The following MED13L variants were observed in gnomAD, a reference collection of about 807,000 sequenced individuals.
The protein encoded by MED13L is mediator of RNA polymerase II transcription subunit 13-like.
In MED13L, 7 loss-of-function variants were observed where a neutral mutation model predicts 220.9. The ratio of observed to expected loss-of-function variants is 0.03; its 90% confidence interval spans 0.02 to 0.06. The LOEUF (loss-of-function observed/expected upper bound fraction) is 0.06, where lower values mean the gene tolerates loss of function less well. Among genes scored for constraint, MED13L ranks in the 10% least tolerant of loss-of-function variants. The probability of loss-of-function intolerance (pLI) is 1.00; values close to 1 mark genes in which losing one functional copy is unlikely to be tolerated. For missense variants in MED13L, 1,965 were observed against 2,760.5 expected (o/e 0.71, Z 6.46); for synonymous variants, 1,011 against 1,015.2 (o/e 1.00, Z 0.08).
At chr12:116,028,822 G>A (rs1880553814) in intron 4 of MED13L, among the ~76,000 whole-genome samples, 1 of 152,024 alleles carries the variant, frequency 6.6e-6, no homozygotes, top group Non-Finnish European at 1.5e-5. Flanking sequence ...CAGTGAATCA[G>A]GTCTGATTCA....
intron 1 of MED13L, among the ~76,000 whole-genome samples, chr12:116,244,103 A>G (rs933921874): frequency 6.6e-6 from 1 of 152,204 alleles, no homozygotes; most frequent in African/African-American, 2.4e-5. Context: ...GGTGTATAGA[A>G]AAGGCAGCTG....
chr12:115,999,787 G>A (rs936179640), intron 14 of MED13L, among the ~76,000 whole-genome samples: 4 of 151,990 alleles, frequency 2.6e-5, no homozygotes, highest in Non-Finnish European at 5.9e-5. Context: ...TGATCTTCCT[G>A]AACGCACGCA....
rs1172611120 is a variant in MED13L at position 115,984,346 on chromosome 12, G to A, written c.4365C>T (p.Pro1455=). ...YEMCRLGQHK[P]ICKVLRDGIM... ...TCCCGTCACGTAGCACTTTGCAGAT[G>A]GGCTTGTGCTGCCCAAGCCTACACA... Residue 1455 remains proline (P), a synonymous_variant, in exon 20 of 31, where the codon CCC becomes CCT. Coordinates refer to ENST00000281928, the MANE Select transcript of MED13L (RefSeq NM_015335.5). 6.2e-7 allele frequency: 1 copy of A among 1,613,880 alleles called. No homozygotes were observed. Among genetic ancestry groups the A allele is most frequent in the African/African-American group, 1.3e-5 (1 of 74,872 alleles).
At chr12:116,104,355 A>G (rs1028433563) in intron 3 of MED13L, among the ~76,000 whole-genome samples, 2 of 152,068 alleles carry the variant, frequency 1.3e-5, no homozygotes, top group Admixed American at 6.6e-5. Context: ...CTCTATTACA[A>G]TATCACAACA....
At chr12:116,253,578 G>A (rs1439448146) in intron 1 of MED13L, among the ~76,000 whole-genome samples, 1 of 151,808 alleles carries the variant, frequency 6.6e-6, no homozygotes, top group East Asian at 1.9e-4. Context: ...CTAATAACAC[G>A]TAATAATAAT....
chr12:116,056,725 A>C (rs574499166), intron 4 of MED13L, among the ~76,000 whole-genome samples: 2 of 152,172 alleles, frequency 1.3e-5, no homozygotes, highest in African/African-American at 4.8e-5. Context: ...AATATTCTCC[A>C]AGATTCTTTA....
intron 25 of MED13L, chr12:115,972,591 G>A: frequency 3.0e-6 from 1 of 331,328 alleles, no homozygotes; most frequent in Non-Finnish European, 5.9e-6. Flanking sequence ...CCTTCTCAAG[G>A]TCCGATTCTT....
chr12:116,255,542 C>T (rs1306272932), intron 1 of MED13L, among the ~76,000 whole-genome samples: 1 of 152,086 alleles, frequency 6.6e-6, no homozygotes, highest in Non-Finnish European at 1.5e-5. Flanking sequence ...AAATTTAAAG[C>T]TTTTGTTATT....
At chr12:116,153,432 C>T (rs1878203734) in intron 2 of MED13L, among the ~76,000 whole-genome samples, 1 of 152,184 alleles carries the variant, frequency 6.6e-6, no homozygotes, top group African/African-American at 2.4e-5. Context: ...TCTATCCCAC[C>T]ACCACAAATA....
intron 11 of MED13L, chr12:116,006,933 T>C (rs1879084439): frequency 4.8e-6 from 1 of 206,848 alleles, no homozygotes; most frequent in African/African-American, 2.3e-5. Context: ...TTTATGATGA[T>C]GAAACCAGTA....
At chr12:116,121,564 T>C (rs940525721) in intron 2 of MED13L, among the ~76,000 whole-genome samples, 1 of 152,140 alleles carries the variant, frequency 6.6e-6, no homozygotes, top group Non-Finnish European at 1.5e-5. Flanking sequence ...AGCATAAAGA[T>C]TGTGAAACCT....
intron 5 of MED13L, among the ~76,000 whole-genome samples, chr12:116,020,805 G>C (rs1375205612): frequency 2.0e-5 from 3 of 152,088 alleles, no homozygotes; most frequent in Non-Finnish European, 4.4e-5. Flanking sequence ...ATACGTTTCT[G>C]AAGATAAAGG....
At chr12:116,062,368 T>C (rs542530908) in intron 4 of MED13L, among the ~76,000 whole-genome samples, 1 of 152,020 alleles carries the variant, frequency 6.6e-6, no homozygotes, top group South Asian at 2.1e-4. Context: ...TGGCCAGGCT[T>C]GTCTCGAACA....
At chr12:116,055,948 T>A (rs2137608839) in intron 4 of MED13L, among the ~76,000 whole-genome samples, 1 of 150,754 alleles carries the variant, frequency 6.6e-6, no homozygotes, top group Middle Eastern at 3.5e-3. Context: ...CAAAATGAGC[T>A]TAGTTACTGA....
At chr12:116,208,708 A>G (rs1032018197) in intron 2 of MED13L, among the ~76,000 whole-genome samples, 11 of 152,248 alleles carry the variant, frequency 7.2e-5, no homozygotes, top group African/African-American at 2.7e-4. Context: ...GTTCATGTCT[A>G]TAATCCCAAC....
intron 13 of MED13L, among the ~76,000 whole-genome samples, 153 bp from the exon 14 acceptor site, chr12:116,003,255 G>A (rs979671441): frequency 6.6e-6 from 1 of 152,168 alleles, no homozygotes; most frequent in Non-Finnish European, 1.5e-5. Context: ...GTGAAACAAA[G>A]GAGATGGTTA....
intron 2 of MED13L, among the ~76,000 whole-genome samples, chr12:116,200,681 G>T (rs1306385140): frequency 1.3e-5 from 2 of 152,176 alleles, no homozygotes; most frequent in East Asian, 3.8e-4. Flanking sequence ...AGTACACTAA[G>T]TCTATACTAA....
At chr12:116,219,879 C>A (rs1372432813) in intron 2 of MED13L, among the ~76,000 whole-genome samples, 1 of 152,076 alleles carries the variant, frequency 6.6e-6, no homozygotes, top group Non-Finnish European at 1.5e-5. Context: ...CTCACTGCAA[C>A]CTCTGCCTCC....
intron 3 of MED13L, among the ~76,000 whole-genome samples, chr12:116,107,406 A>T (rs1873678423): frequency 6.6e-6 from 1 of 152,246 alleles, no homozygotes; most frequent in Non-Finnish European, 1.5e-5. Context: ...CATAGAATTT[A>T]AAATATTCTA....
Sources: gnomAD v4.1 joint callset for allele counts (sites outside exome capture counted in the v4.1 genomes callset) on GRCh38, gnomAD v4.1.1 for gene constraint, MANE v1.5 for transcripts, NCBI Gene and HGNC (gene_info 2026-07-23, HGNC 2026-07-21) for gene names.